The following MED12L variants were observed in gnomAD, a reference collection of about 807,000 sequenced individuals.
MED12L encodes the protein mediator complex subunit 12L, also known as mediator of RNA polymerase II transcription subunit 12-like protein.
A neutral mutation model predicts 281.3 loss-of-function variants in MED12L; 60 were observed. The observed-to-expected ratio is 0.21, with a 90% confidence interval of 0.17 to 0.26. MED12L has a LOEUF of 0.26. Among genes scored for constraint, MED12L ranks in the 10% least tolerant of loss-of-function variants. The pLI is 1.00. For missense variants in MED12L, 2,146 were observed against 2,680.9 expected (o/e 0.80, Z 4.41); for synonymous variants, 974 against 987.2 (o/e 0.99, Z 0.25).
intron 36 of MED12L, among the ~76,000 whole-genome samples, chr3:151,386,856 GA>G (rs1323782115): frequency 6.6e-6 from 1 of 151,964 alleles, no homozygotes; most frequent in African/African-American, 2.4e-5. Flanking sequence ...TTACAGGTGT[GA>G]GCCACCACAC....
chr3:151,333,675 A>G (rs1056699004), intron 16 of MED12L, among the ~76,000 whole-genome samples: 5 of 152,250 alleles, frequency 3.3e-5, no homozygotes, highest in African/African-American at 1.2e-4. Flanking sequence ...AGTTTCCTAG[A>G]AGAAGGATTA....
At chr3:151,138,154 T>C (rs1407409677) in intron 5 of MED12L, among the ~76,000 whole-genome samples, 1 of 152,178 alleles carries the variant, frequency 6.6e-6, no homozygotes, top group South Asian at 2.1e-4. Context: ...ATTAGCATAC[T>C]ATATATACTG....
intron 33 of MED12L, among the ~76,000 whole-genome samples, chr3:151,383,082 C>T (rs968482931): frequency 6.6e-6 from 1 of 152,156 alleles, no homozygotes; most frequent in Non-Finnish European, 1.5e-5. Flanking sequence ...TACTTAAAAC[C>T]ATTTAAAAAG....
intron 7 of MED12L, 29 bp from the exon 8 acceptor site, chr3:151,159,803 C>T: frequency 6.3e-7 from 1 of 1,592,972 alleles, no homozygotes; most frequent in Non-Finnish European, 8.6e-7. Flanking sequence ...TAAGACATGA[C>T]TGAAGTCTGG....
At position 151,417,864 on chromosome 3, in the gene MED12L, A is replaced by G. The variant is rs556112676; in HGVS notation, c.6408+1442A>G. ...ATATATGTTTGTGACATTTACTGCA[A>G]TCTACTTCAGAAAACCTTCTTAAAG... is the stretch of plus-strand genomic sequence containing the variant. On this transcript the variant is annotated intron_variant, in intron 43 of 44. Coordinates refer to ENST00000687756, the MANE Select transcript of MED12L (RefSeq NM_001393769.1). 2.0e-5 allele frequency among the ~76,000 whole-genome samples: 3 copies of G among 152,220 alleles called. No individual in the cohort carries two copies. In the South Asian group the frequency reaches 6.2e-4, roughly 32 times the overall value.
chr3:151,363,927 G>T (rs1754952263), intron 21 of MED12L, among the ~76,000 whole-genome samples: 1 of 152,126 alleles, frequency 6.6e-6, no homozygotes, highest in Non-Finnish European at 1.5e-5. Flanking sequence ...GTTTAGAATA[G>T]AGAGTCTTTG....
intron 16 of MED12L, among the ~76,000 whole-genome samples, chr3:151,232,659 C>G (rs558644363): frequency 5.3e-5 from 8 of 152,292 alleles, no homozygotes; most frequent in Middle Eastern, 3.4e-3. Flanking sequence ...AGCTGGAAAC[C>G]ATTATCCTTA....
intron 16 of MED12L, among the ~76,000 whole-genome samples, chr3:151,236,331 T>A (rs1732790637): frequency 6.6e-6 from 1 of 152,240 alleles, no homozygotes; most frequent in Non-Finnish European, 1.5e-5. Flanking sequence ...CATAGTAGAT[T>A]AACATATATA....
intron 16 of MED12L, among the ~76,000 whole-genome samples, chr3:151,269,040 C>T (rs1403815886): frequency 6.6e-6 from 1 of 152,136 alleles, no homozygotes; most frequent in African/African-American, 2.4e-5. Context: ...CCGGAGGAGA[C>T]ATTGGCCTCT....
intron 16 of MED12L, among the ~76,000 whole-genome samples, chr3:151,281,942 C>G (rs538674501): frequency 2.0e-5 from 3 of 152,252 alleles, no homozygotes; most frequent in Non-Finnish European, 4.4e-5. Context: ...CCGTCATCGA[C>G]TGCGCATAAA....
At chr3:151,358,619 CATTT>C (rs1320123377) in intron 20 of MED12L, among the ~76,000 whole-genome samples, 2 of 152,112 alleles carry the variant, frequency 1.3e-5, no homozygotes, top group East Asian at 3.9e-4. Context: ...ATTTCAGTAT[CATTT>C]AGTTTGGCCT....
intron 12 of MED12L, among the ~76,000 whole-genome samples, chr3:151,185,958 A>G (rs972617826): frequency 6.6e-6 from 1 of 152,206 alleles, no homozygotes; most frequent in South Asian, 2.1e-4. Flanking sequence ...CACATGTGCA[A>G]TATACATGTG....
At chr3:151,294,773 G>C (rs139050863) in intron 16 of MED12L, 1 of 1,613,824 alleles carries the variant, frequency 6.2e-7, no homozygotes, top group East Asian at 2.2e-5. Flanking sequence ...TAAAACCTTC[G>C]TGAAGGTTAT....
intron 43 of MED12L, among the ~76,000 whole-genome samples, chr3:151,428,693 T>C (rs1008237254): frequency 6.6e-6 from 1 of 152,202 alleles, no homozygotes; most frequent in Admixed American, 6.5e-5. Flanking sequence ...ATCAGCTTGG[T>C]AATGCCCTCT....
intron 2 of MED12L, among the ~76,000 whole-genome samples, chr3:151,114,907 G>A (rs1002401808): frequency 1.3e-5 from 2 of 152,092 alleles, no homozygotes; most frequent in Non-Finnish European, 2.9e-5. Context: ...TGTGGCATTT[G>A]TTCTTTGGTG....
chr3:151,215,695 C>CT (rs1164727255), intron 16 of MED12L, among the ~76,000 whole-genome samples: 1 of 152,144 alleles, frequency 6.6e-6, no homozygotes, highest in African/African-American at 2.4e-5. Context: ...TACTGCCCAT[C>CT]TTATATGTGA....
intron 2 of MED12L, among the ~76,000 whole-genome samples, chr3:151,103,901 A>T (rs992045690): frequency 1.1e-4 from 17 of 152,280 alleles, no homozygotes; most frequent in African/African-American, 4.1e-4. Flanking sequence ...TCTCAGCCTC[A>T]GTTTCTCACC....
At chr3:151,139,627 G>A (rs1186395241) in intron 5 of MED12L, among the ~76,000 whole-genome samples, 1 of 152,166 alleles carries the variant, frequency 6.6e-6, no homozygotes, top group African/African-American at 2.4e-5. Context: ...GGCGGGACAG[G>A]CATAGGAGAA....
chr3:151,132,615 C>A (rs999087647), intron 5 of MED12L, among the ~76,000 whole-genome samples: 1 of 152,124 alleles, frequency 6.6e-6, no homozygotes, highest in Non-Finnish European at 1.5e-5. Context: ...TTTTCTCCTT[C>A]AAAGTTACTA....
Sources: gnomAD v4.1 joint callset for allele counts (sites outside exome capture counted in the v4.1 genomes callset) on GRCh38, gnomAD v4.1.1 for gene constraint, MANE v1.5 for transcripts, NCBI Gene and HGNC (gene_info 2026-07-23, HGNC 2026-07-21) for gene names.